SAMD5: variants seen among roughly 807,000 people sequenced by gnomAD.
SAMD5 encodes sterile alpha motif domain-containing protein 5.
SAMD5 carries 13 observed loss-of-function variants against 11.3 expected under a neutral mutation model. The observed-to-expected ratio is 1.15, with a 90% CI of 0.75 to 1.83. The LOEUF is 1.83. Ranked by LOEUF, SAMD5 falls within the 40% of genes most tolerant of loss-of-function variation. The probability of loss-of-function intolerance (pLI) is 0.00; values close to 1 mark genes in which losing one functional copy is unlikely to be tolerated. For missense variants in SAMD5, 255 were observed against 239.1 expected (o/e 1.07, Z -0.44); for synonymous variants, 129 against 111.3 (o/e 1.16, Z -1.00).
At chr6:147,731,683 A>G (rs1185062082) in intron 1 of SAMD5, among the ~76,000 whole-genome samples, 1 of 134,258 alleles carries the variant, frequency 7.4e-6, no homozygotes, top group East Asian at 2.2e-4. Context: ...CCTGAATGCA[A>G]CCCTCCCTCC....
intron 1 of SAMD5, among the ~76,000 whole-genome samples, chr6:147,699,920 T>C (rs1170582086): frequency 1.3e-5 from 2 of 152,184 alleles, no homozygotes; most frequent in Non-Finnish European, 2.9e-5. Context: ...TGTTTTATAT[T>C]TAATCAAAGC....
At chr6:147,803,269 T>A in the SAMD5 span, among the ~76,000 whole-genome samples, 28 of 151,868 alleles carry the variant, frequency 1.8e-4, no homozygotes, top group Admixed American at 1.3e-4. Flanking sequence ...AACCTTTGAA[T>A]TTTTTTCTGC....
chr6:147,583,728 C>A (rs116876173), intron 1 of SAMD5, among the ~76,000 whole-genome samples: 1 of 151,630 alleles, frequency 6.6e-6, no homozygotes, highest in East Asian at 1.9e-4. Flanking sequence ...CCCCATAGAA[C>A]GGTAAAATGA....
intron 1 of SAMD5, among the ~76,000 whole-genome samples, chr6:147,586,028 T>A (rs1029122977): frequency 6.6e-6 from 1 of 151,554 alleles, no homozygotes; most frequent in African/African-American, 2.4e-5. Context: ...AGGGGGTGAG[T>A]TTTAGTTGGG....
the SAMD5 span, among the ~76,000 whole-genome samples, chr6:147,796,711 G>A: frequency 6.6e-6 from 1 of 152,066 alleles, no homozygotes; most frequent in African/African-American, 2.4e-5. Flanking sequence ...ATGGAATGTT[G>A]TTCCATTTGT....
chr6:147,736,532 G>A (rs1254156086), intron 1 of SAMD5, among the ~76,000 whole-genome samples: 4 of 152,136 alleles, frequency 2.6e-5, no homozygotes, highest in African/African-American at 7.2e-5. Context: ...TAAGTGCAGC[G>A]TAACTCAGGA....
intron 1 of SAMD5, among the ~76,000 whole-genome samples, chr6:147,604,797 C>G (rs929580449): frequency 2.0e-5 from 3 of 152,168 alleles, no homozygotes; most frequent in African/African-American, 7.2e-5. Context: ...TTCTAGAATA[C>G]CTGCAGTCTA....
At chr6:147,917,734 A>G in the SAMD5 span, among the ~76,000 whole-genome samples, 1 of 152,218 alleles carries the variant, frequency 6.6e-6, no homozygotes, top group East Asian at 1.9e-4. Context: ...TAACTTTTGT[A>G]TAAGGTGTAA....
the SAMD5 span, among the ~76,000 whole-genome samples, chr6:147,783,540 C>T: frequency 0.016 from 2,435 of 151,962 alleles, 72 homozygotes; most frequent in African/African-American, 0.054. Context: ...GCTACAGATG[C>T]CCACCACCAC....
At chr6:147,802,735 C>T in the SAMD5 span, among the ~76,000 whole-genome samples, 78 of 152,302 alleles carry the variant, frequency 5.1e-4, no homozygotes, top group African/African-American at 1.8e-3. Context: ...TAACTACCAG[C>T]GCACACAACA....
the SAMD5 span, among the ~76,000 whole-genome samples, chr6:147,852,837 A>G: frequency 9.9e-5 from 15 of 152,278 alleles, no homozygotes; most frequent in East Asian, 2.3e-3. Context: ...CCTCTAGGCC[A>G]TGCCTCCCAT....
the SAMD5 span, among the ~76,000 whole-genome samples, chr6:147,744,076 C>T: frequency 6.6e-6 from 1 of 152,202 alleles, no homozygotes; most frequent in Non-Finnish European, 1.5e-5. Context: ...AAACTCAAAA[C>T]CCAAGTCCAG....
At chr6:147,561,422 C>T (rs976151079) in intron 1 of SAMD5, among the ~76,000 whole-genome samples, 3 of 152,118 alleles carry the variant, frequency 2.0e-5, no homozygotes. Context: ...TCCTAACCTA[C>T]CTTGTGATCT....
chr6:147,858,759 G>A, the SAMD5 span, among the ~76,000 whole-genome samples: 2 of 152,102 alleles, frequency 1.3e-5, no homozygotes, highest in Non-Finnish European at 2.9e-5. Flanking sequence ...GCTGTGGCAT[G>A]GTGAATTCAC....
chr6:147,861,652 C>T, the SAMD5 span, among the ~76,000 whole-genome samples: 2 of 152,144 alleles, frequency 1.3e-5, no homozygotes, highest in African/African-American at 2.4e-5. Flanking sequence ...TACCAGATTT[C>T]TTTAAAACCA....
intron 1 of SAMD5, among the ~76,000 whole-genome samples, chr6:147,621,372 C>A (rs541003401): frequency 2.6e-5 from 4 of 152,284 alleles, no homozygotes; most frequent in Admixed American, 1.3e-4. Flanking sequence ...AAATCCAGTG[C>A]ATGAGTCAAG....
the SAMD5 span, among the ~76,000 whole-genome samples, chr6:147,850,732 AC>A: frequency 1.3e-5 from 2 of 152,012 alleles, no homozygotes; most frequent in East Asian, 1.9e-4. Flanking sequence ...ATGCCATCCC[AC>A]CCTGTACTGC....
chr6:147,889,904 C>T, the SAMD5 span, among the ~76,000 whole-genome samples: 1 of 152,168 alleles, frequency 6.6e-6, no homozygotes, highest in Non-Finnish European at 1.5e-5. Flanking sequence ...TGTGCAGCTC[C>T]TTCCTCTCTG....
At chr6:147,786,965 T>G in the SAMD5 span, among the ~76,000 whole-genome samples, 1 of 152,204 alleles carries the variant, frequency 6.6e-6, no homozygotes, top group Non-Finnish European at 1.5e-5. Context: ...GGTTAAATAC[T>G]TTGCATACAG....
Sources: gnomAD v4.1 joint callset for allele counts (sites outside exome capture counted in the v4.1 genomes callset) on GRCh38, gnomAD v4.1.1 for gene constraint, MANE v1.5 for transcripts, NCBI Gene and HGNC (gene_info 2026-07-23, HGNC 2026-07-21) for gene names.